The following BMPER variants were observed in gnomAD, a reference collection of about 807,000 sequenced individuals.
The protein encoded by BMPER is BMP binding endothelial regulator, also known as BMP-binding endothelial regulator protein.
A neutral mutation model predicts 87.3 loss-of-function variants in BMPER; 45 were observed. That is an observed-to-expected ratio of 0.52 (90% CI 0.41 to 0.66). The LOEUF (loss-of-function observed/expected upper bound fraction) is 0.66. BMPER is among the 30% of genes least tolerant of loss of function. BMPER has a pLI of 0.00. For missense variants in BMPER, 784 were observed against 867.5 expected, an observed-to-expected ratio of 0.90 and a Z score of 1.21; for synonymous variants, 326 against 316.2, an observed-to-expected ratio of 1.03 and a Z score of -0.33.
intron 6 of BMPER, among the ~76,000 whole-genome samples, chr7:33,997,250 G>A (rs533398522): frequency 2.0e-4 from 30 of 152,272 alleles, no homozygotes; most frequent in South Asian, 1.9e-3. Context: ...CCAAGTTAAA[G>A]CCAGAGCTCC....
chr7:33,980,243 G>T (rs1203705740), intron 6 of BMPER, among the ~76,000 whole-genome samples: 2 of 152,176 alleles, frequency 1.3e-5, no homozygotes, highest in African/African-American at 2.4e-5. Context: ...ATTCATCAGG[G>T]GAGTGACAGC....
intron 3 of BMPER, among the ~76,000 whole-genome samples, chr7:33,951,084 G>C (rs1785008662): frequency 6.7e-6 from 1 of 149,728 alleles, no homozygotes; most frequent in East Asian, 2.0e-4. Context: ...TTCTCTCTCT[G>C]GTGCCCAGGC....
intron 13 of BMPER, among the ~76,000 whole-genome samples, chr7:34,129,636 G>GAAAGAAAGAAAGAA (rs1291000252): frequency 1.1e-4 from 16 of 147,246 alleles, no homozygotes; most frequent in Non-Finnish European, 2.1e-4. Flanking sequence ...AAGAGAGAAA[G>GAAAGAAAGAAAGAA]AAAGAAAGAA....
chr7:34,118,669 A>T (rs12537867), intron 13 of BMPER, among the ~76,000 whole-genome samples: 1 of 152,014 alleles, frequency 6.6e-6, no homozygotes, highest in African/African-American at 2.4e-5. Flanking sequence ...CTAAGCAACC[A>T]TATACAAATA....
At position 33,905,768 on chromosome 7, in the gene BMPER, A is replaced by G. The variant is rs755641931; in HGVS notation, c.133+22A>G. 11 of 1,354,466 alleles carry G rather than the reference A, an allele frequency of 8.1e-6. No homozygotes were observed. In the South Asian group the frequency reaches 1.1e-4, roughly 13 times the overall value. The allele number at this position is 1,354,466 out of a possible 1,614,324, so 83.9% of individuals were successfully genotyped here. Reference sequence around the variant, plus strand: ...ACAGGTAGGGGAGGGGGCGGGAGGGACCGGCCCTCCGGGACGCCGGTTTGG... The same window carrying G: ...ACAGGTAGGGGAGGGGGCGGGAGGGGCCGGCCCTCCGGGACGCCGGTTTGG... On this transcript the variant is annotated intron_variant, in intron 1 of 14. Transcript: ENST00000649409.
chr7:33,940,280 G>A (rs1296662140), intron 3 of BMPER, among the ~76,000 whole-genome samples: 4 of 151,984 alleles, frequency 2.6e-5, no homozygotes, highest in Admixed American at 6.6e-5. Context: ...TGGACATATC[G>A]TCCTTAATAG....
chr7:33,917,395 GCTTT>G (rs954651215), intron 2 of BMPER, among the ~76,000 whole-genome samples: 5 of 152,058 alleles, frequency 3.3e-5, no homozygotes, highest in African/African-American at 1.2e-4. Context: ...AGTGTAATGA[GCTTT>G]CTTTCTTTCT....
intron 6 of BMPER, among the ~76,000 whole-genome samples, chr7:33,994,197 T>A (rs1786325584): frequency 6.6e-6 from 1 of 152,180 alleles, no homozygotes; most frequent in Non-Finnish European, 1.5e-5. Flanking sequence ...GCCTGGGCAA[T>A]GGTGGGCGCC....
intron 6 of BMPER, among the ~76,000 whole-genome samples, chr7:34,027,282 A>G (rs972395107): frequency 6.6e-6 from 1 of 152,088 alleles, no homozygotes; most frequent in East Asian, 1.9e-4. Flanking sequence ...CTATGTTCAC[A>G]TTTGCTCCGA....
intron 6 of BMPER, among the ~76,000 whole-genome samples, chr7:34,036,650 G>A (rs767239042): frequency 3.9e-5 from 6 of 152,214 alleles, no homozygotes; most frequent in African/African-American, 1.4e-4. Flanking sequence ...CTCTCCTCTC[G>A]GTTCCCAGGG....
At chr7:34,147,921 G>C (rs1365432791) in intron 14 of BMPER, among the ~76,000 whole-genome samples, 1 of 152,174 alleles carries the variant, frequency 6.6e-6, no homozygotes, top group Non-Finnish European at 1.5e-5. Flanking sequence ...GCTCAGGTCA[G>C]TGTTAGTGTT....
chr7:33,984,505 T>G (rs1750715263), intron 6 of BMPER, among the ~76,000 whole-genome samples: 1 of 152,138 alleles, frequency 6.6e-6, no homozygotes. Context: ...ATCTCTCCAT[T>G]GCAGTGATCC....
At chr7:34,110,555 C>G (rs1789934891) in intron 13 of BMPER, among the ~76,000 whole-genome samples, 1 of 152,296 alleles carries the variant, frequency 6.6e-6, no homozygotes, top group African/African-American at 2.4e-5. Context: ...TTCCTCATCA[C>G]TGTTGTATGT....
intron 13 of BMPER, among the ~76,000 whole-genome samples, chr7:34,132,949 G>A (rs191910935): frequency 6.6e-6 from 1 of 152,140 alleles, no homozygotes; most frequent in Admixed American, 6.5e-5. Flanking sequence ...TCCTGAAACT[G>A]TGTAGGTAAG....
chr7:34,130,186 GTCTCTC>G (rs10583920), intron 13 of BMPER, among the ~76,000 whole-genome samples: 6,329 of 149,220 alleles, frequency 0.042, 399 homozygotes, highest in African/African-American at 0.14. Context: ...TCTTGATTCT[GTCTCTC>G]TCTCTCTCTC....
Position 34,079,042 on chromosome 7 carries a change from G to A in BMPER, c.1264G>A (p.Glu422Lys). ...TRSFSWTKSV[E>K]LVLGESRVSL... ...CTCCTTCTCGTGGACCAAGTCGGTG[G>A]AGCTGGTGCTGGGCGAGAGCAGGGT... is the stretch of plus-strand genomic sequence containing the variant. The change falls in exon 12 of 15, where the codon GAG (glutamate) becomes AAG (lysine). Residue 422 changes from glutamate to lysine, a missense_variant. Transcript: ENST00000649409. 6.2e-7 allele frequency: 1 copy of A among 1,614,190 alleles called. No individual in the cohort carries two copies. The highest frequency in any genetic ancestry group is 8.5e-7 in the Non-Finnish European group (1 of 1,180,012).
intron 3 of BMPER, among the ~76,000 whole-genome samples, chr7:33,963,900 T>C (rs984123179): frequency 6.6e-6 from 1 of 152,214 alleles, no homozygotes; most frequent in East Asian, 1.9e-4. Context: ...TGTGCATCTC[T>C]TTCTACCATG....
At chr7:33,940,471 A>G (rs1288567325) in intron 3 of BMPER, among the ~76,000 whole-genome samples, 1 of 152,210 alleles carries the variant, frequency 6.6e-6, no homozygotes, top group African/African-American at 2.4e-5. Context: ...TTGGGAGGGC[A>G]TTCCCTGAGC....
intron 6 of BMPER, among the ~76,000 whole-genome samples, chr7:33,978,028 C>T (rs1424724335): frequency 6.6e-6 from 1 of 152,160 alleles, no homozygotes; most frequent in Non-Finnish European, 1.5e-5. Context: ...GAACGTCCCC[C>T]AAAATTCATG....
Sources: gnomAD v4.1 joint callset for allele counts (sites outside exome capture counted in the v4.1 genomes callset) on GRCh38, gnomAD v4.1.1 for gene constraint, MANE v1.5 for transcripts, NCBI Gene and HGNC (gene_info 2026-07-23, HGNC 2026-07-21) for gene names.